Variants in ZC3HAV1L observed in about 807,000 individuals in gnomAD.
ZC3HAV1L encodes the protein ZC3HAV1 like, also known as zinc finger CCCH-type antiviral protein 1-like.
ZC3HAV1L carries 23 observed loss-of-function variants against 28.2 expected under a neutral mutation model. The observed-to-expected ratio is 0.82, with a 90% CI of 0.59 to 1.16. The LOEUF is 1.16. Among genes scored for constraint, ZC3HAV1L ranks in the 50% most tolerant of loss-of-function variants. The pLI is 0.00. For synonymous variants in ZC3HAV1L, 180 were observed against 163.4 expected, an observed-to-expected ratio of 1.10 and a Z score of -0.78; for missense variants, 376 against 387.7, an observed-to-expected ratio of 0.97 and a Z score of 0.25.
chr7:139,025,700 C>G (rs915766148), downstream of ZC3HAV1L: 3 of 152,038 alleles, frequency 2.0e-5, no homozygotes, highest in Non-Finnish European at 2.9e-5. Context: ...AAAGCAGACA[C>G]CAGAAAACTA....
At chr7:139,034,915 C>T (rs1228568060) in intron 1 of ZC3HAV1L, 2 of 985,322 alleles carry the variant, frequency 2.0e-6, no homozygotes, top group Non-Finnish European at 2.4e-6. Context: ...CAAGGGTCGC[C>T]CACCTCGCCT....
At chr7:139,034,301 T>C (rs1815628353) in intron 2 of ZC3HAV1L, among the ~76,000 whole-genome samples, 1 of 152,250 alleles carries the variant, frequency 6.6e-6, no homozygotes, top group South Asian at 2.1e-4. Context: ...TCTTAATTGA[T>C]GTTCCAATTT....
intron 2 of ZC3HAV1L, among the ~76,000 whole-genome samples, chr7:139,031,883 C>G (rs770803255): frequency 1.3e-5 from 2 of 151,780 alleles, no homozygotes; most frequent in Non-Finnish European, 1.5e-5. Context: ...CCAGCCTGGG[C>G]GATAGAGCAA....
At chr7:139,030,241 T>C (rs765117469) in intron 2 of ZC3HAV1L, among the ~76,000 whole-genome samples, 43 of 151,170 alleles carry the variant, frequency 2.8e-4, no homozygotes, top group Non-Finnish European at 5.2e-4. Flanking sequence ...AGGTCAGGAG[T>C]TCATAACAGC....
intron 1 of ZC3HAV1L, chr7:139,035,350 G>A (rs143775939): frequency 1.0e-6 from 1 of 985,186 alleles, no homozygotes; most frequent in East Asian, 1.1e-4. Flanking sequence ...AGTGAGCTCC[G>A]AAGTCCCAGT....
At chr7:139,035,430 G>A (rs1815676035) in intron 1 of ZC3HAV1L, 1 of 985,272 alleles carries the variant, frequency 1.0e-6, no homozygotes, top group Non-Finnish European at 1.2e-6. Context: ...TTCTGGCGTG[G>A]GCGGTTGAGA....
Position 139,026,585 on chromosome 7 carries a change from C to G in ZC3HAV1L, c.887-25G>C, listed in dbSNP as rs1401146978. ...ACTGTGAGGTAGATATTATTATGAC[C>G]ATTACAAATCTATCATTAAATGAAT... is the stretch of plus-strand genomic sequence containing the variant. On this transcript the variant is annotated intron_variant, in intron 4 of 4. Coordinates refer to ENST00000275766, the MANE Select transcript of ZC3HAV1L (RefSeq NM_080660.4). 6.2e-6 allele frequency: 10 copies of G among 1,611,476 alleles called. No individual in the cohort carries two copies. The Admixed American group carries it at 1.7e-4, about 27-fold the overall frequency.
chr7:139,022,655 AC>A (rs1815268440), downstream of ZC3HAV1L, among the ~76,000 whole-genome samples: 1 of 152,232 alleles, frequency 6.6e-6, no homozygotes, highest in Non-Finnish European at 1.5e-5. Context: ...TGTCTTCACT[AC>A]CAAGTGTTAC....
chr7:139,033,661 C>A, intron 2 of ZC3HAV1L: 4 of 940,684 alleles, frequency 4.3e-6, no homozygotes, highest in Non-Finnish European at 3.8e-6. Context: ...CAAGGTGAGG[C>A]TGGGCCCAAG....
intron 2 of ZC3HAV1L, 77 bp downstream of exon 2, chr7:139,034,466 T>G: frequency 6.4e-7 from 1 of 1,567,072 alleles, no homozygotes; most frequent in African/African-American, 1.4e-5. Flanking sequence ...AAAATTAATA[T>G]GTAAAGCCAA....
chr7:139,033,657 G>A, intron 2 of ZC3HAV1L: 1 of 925,062 alleles, frequency 1.1e-6, no homozygotes, highest in Non-Finnish European at 1.3e-6. Flanking sequence ...ATGACAAGGT[G>A]AGGCTGGGCC....
chr7:139,033,163 A>G (rs1174497723), intron 2 of ZC3HAV1L, among the ~76,000 whole-genome samples: 1 of 151,674 alleles, frequency 6.6e-6, no homozygotes, highest in Non-Finnish European at 1.5e-5. Flanking sequence ...GAGCCGAGGT[A>G]CTTCCAGCCT....
At chr7:139,031,651 T>A (rs1815535778) in intron 2 of ZC3HAV1L, among the ~76,000 whole-genome samples, 1 of 152,084 alleles carries the variant, frequency 6.6e-6, no homozygotes, top group African/African-American at 2.4e-5. Flanking sequence ...ACGCCTGTTA[T>A]CCCAGCACTT....
At chr7:139,035,104 G>A in intron 1 of ZC3HAV1L, 8 of 985,432 alleles carry the variant, frequency 8.1e-6, no homozygotes, top group Non-Finnish European at 9.6e-6. Flanking sequence ...GGGTCAGGAG[G>A]CAGCCCCGAA....
At chr7:139,028,239 G>A (rs1303311253) in intron 3 of ZC3HAV1L, among the ~76,000 whole-genome samples, 1 of 152,106 alleles carries the variant, frequency 6.6e-6, no homozygotes, top group East Asian at 1.9e-4. Flanking sequence ...TGGGCATGGT[G>A]GCGCATGCCT....
downstream of ZC3HAV1L, among the ~76,000 whole-genome samples, chr7:139,024,908 G>C (rs1352739322): frequency 6.6e-6 from 1 of 152,188 alleles, no homozygotes; most frequent in Non-Finnish European, 1.5e-5. Context: ...GCATAAAGCT[G>C]CTTCTTGTGG....
chr7:139,035,175 G>A, intron 1 of ZC3HAV1L: 3 of 985,418 alleles, frequency 3.0e-6, no homozygotes, highest in Non-Finnish European at 3.6e-6. Context: ...CCTGTTTCCT[G>A]GGGTGAGACT....
At chr7:139,027,820 T>C (rs1331491172) in intron 3 of ZC3HAV1L, among the ~76,000 whole-genome samples, 1 of 152,226 alleles carries the variant, frequency 6.6e-6, no homozygotes, top group Non-Finnish European at 1.5e-5. Context: ...TTGAGCACAA[T>C]TGGATTCGTG....
intron 2 of ZC3HAV1L, among the ~76,000 whole-genome samples, chr7:139,033,071 T>C (rs903629610): frequency 1.4e-4 from 21 of 152,066 alleles, no homozygotes; most frequent in African/African-American, 5.1e-4. Flanking sequence ...TAGCTGGGCA[T>C]GGTGGCACGT....
Sources: gnomAD v4.1 joint callset for allele counts (sites outside exome capture counted in the v4.1 genomes callset) on GRCh38, gnomAD v4.1.1 for gene constraint, MANE v1.5 for transcripts, NCBI Gene and HGNC (gene_info 2026-07-23, HGNC 2026-07-21) for gene names.